Variants in GPM6A observed in about 807,000 individuals in gnomAD.
The protein encoded by GPM6A is glycoprotein M6A, also known as neuronal membrane glycoprotein M6-a.
A neutral mutation model predicts 32.1 loss-of-function variants in GPM6A; 7 were observed. The ratio of observed to expected loss-of-function variants is 0.22; its 90% CI spans 0.12 to 0.41. The LOEUF (loss-of-function observed/expected upper bound fraction) is 0.41, where lower values mean the gene tolerates loss of function less well. Among genes scored for constraint, GPM6A ranks in the 10% least tolerant of loss-of-function variants. GPM6A has a pLI of 1.00. For missense variants in GPM6A, 235 were observed against 347.2 expected (o/e 0.68, Z 2.57); for synonymous variants, 130 against 123.4 (o/e 1.05, Z -0.35).
intron 1 of GPM6A, among the ~76,000 whole-genome samples, chr4:175,974,538 G>A (rs989429324): frequency 6.8e-6 from 1 of 146,800 alleles, no homozygotes; most frequent in Middle Eastern, 4.1e-3. Context: ...ACACTTAAAG[G>A]GCAATGTGAC....
intron 1 of GPM6A, among the ~76,000 whole-genome samples, chr4:175,773,901 C>T (rs79881849): frequency 0.02 from 3,076 of 152,178 alleles, 55 homozygotes; most frequent in Non-Finnish European, 0.031. Context: ...ATTGTCAAAC[C>T]AAAATGATAT....
chr4:175,686,209 T>C (rs1743973797), intron 2 of GPM6A, among the ~76,000 whole-genome samples: 1 of 152,212 alleles, frequency 6.6e-6, no homozygotes, highest in Admixed American at 6.5e-5. Flanking sequence ...TTGATTACTG[T>C]GGTCAGCTAT....
chr4:175,985,402 C>T (rs1161915649), intron 1 of GPM6A, among the ~76,000 whole-genome samples: 1 of 152,134 alleles, frequency 6.6e-6, no homozygotes, highest in Non-Finnish European at 1.5e-5. Flanking sequence ...TACTGAAATG[C>T]TCTTGGTAAT....
At position 175,830,691 on chromosome 4, in the gene GPM6A, G is replaced by C. The variant is rs181380588; in HGVS notation, c.-22-18442C>G. 3.4e-3 allele frequency among the ~76,000 whole-genome samples: 525 copies of C among 152,264 alleles called. 1 individual carries two copies. Among genetic ancestry groups the C allele is most frequent in the African/African-American group, 0.011 (471 of 41,538 alleles). On this transcript the variant is annotated intron_variant, in intron 1 of 7. Coordinates refer to the GPM6A transcript ENST00000280187. ...CTTTCATCCATTTTGAATAAAGAGT[G>C]TATAAATAAAATAGAAGGTTCTTAC...
intron 1 of GPM6A, among the ~76,000 whole-genome samples, chr4:175,892,160 T>C (rs1404020816): frequency 6.6e-6 from 1 of 152,224 alleles, no homozygotes; most frequent in African/African-American, 2.4e-5. Flanking sequence ...CCAAATGGCA[T>C]CTTGCTCATA....
intron 1 of GPM6A, among the ~76,000 whole-genome samples, chr4:175,927,870 G>A (rs995780575): frequency 6.6e-6 from 1 of 152,004 alleles, no homozygotes; most frequent in Non-Finnish European, 1.5e-5. Flanking sequence ...GGACCATAGA[G>A]CAAGACTCCG....
At chr4:175,690,628 G>C (rs1744243385) in intron 2 of GPM6A, among the ~76,000 whole-genome samples, 1 of 152,158 alleles carries the variant, frequency 6.6e-6, no homozygotes, top group African/African-American at 2.4e-5. Flanking sequence ...AAGCCAGCAG[G>C]TAGCATCTTG....
intron 2 of GPM6A, among the ~76,000 whole-genome samples, chr4:175,693,992 C>T (rs909768902): frequency 6.6e-6 from 1 of 152,104 alleles, no homozygotes; most frequent in Non-Finnish European, 1.5e-5. Flanking sequence ...CCTACTCTCT[C>T]TTGCTCCTGC....
intron 1 of GPM6A, among the ~76,000 whole-genome samples, chr4:175,996,690 G>A (rs1741318137): frequency 6.6e-6 from 1 of 152,180 alleles, no homozygotes; most frequent in Non-Finnish European, 1.5e-5. Context: ...AAATTTTAGT[G>A]TGACTGTTTA....
intron 2 of GPM6A, among the ~76,000 whole-genome samples, chr4:175,675,410 T>A (rs1176923054): frequency 6.6e-6 from 1 of 152,110 alleles, no homozygotes; most frequent in African/African-American, 2.4e-5. Flanking sequence ...ACACTGGGAA[T>A]GTATTAATTA....
chr4:175,829,998 T>C (rs1354464153), intron 1 of GPM6A, among the ~76,000 whole-genome samples: 3 of 152,136 alleles, frequency 2.0e-5, no homozygotes, highest in Non-Finnish European at 1.5e-5. Context: ...GCATAGTAGT[T>C]GGCTCTGCAT....
chr4:175,978,497 C>A (rs1049391366), intron 1 of GPM6A, among the ~76,000 whole-genome samples: 1 of 152,120 alleles, frequency 6.6e-6, no homozygotes, highest in African/African-American at 2.4e-5. Context: ...AGATCAGTCC[C>A]TTCCCCTCTT....
intron 1 of GPM6A, among the ~76,000 whole-genome samples, chr4:175,955,035 G>C (rs943571435): frequency 3.9e-5 from 6 of 152,180 alleles, no homozygotes; most frequent in African/African-American, 1.4e-4. Context: ...ATGATTTTTC[G>C]TAAGAGTCCT....
At chr4:175,813,951 T>C (rs184433966), upstream of GPM6A, among the ~76,000 whole-genome samples, 63 of 152,070 alleles carry the variant, frequency 4.1e-4, no homozygotes. Flanking sequence ...CAAGGGTTTT[T>C]GAGAGAGCTG....
intron 1 of GPM6A, among the ~76,000 whole-genome samples, chr4:175,715,017 C>G (rs540279950): frequency 6.7e-6 from 1 of 150,242 alleles, no homozygotes; most frequent in Non-Finnish European, 1.5e-5. Flanking sequence ...AAAAAACTAG[C>G]TTGAATTCCA....
chr4:175,889,429 G>A (rs1737562741), intron 1 of GPM6A, among the ~76,000 whole-genome samples: 1 of 151,896 alleles, frequency 6.6e-6, no homozygotes, highest in African/African-American at 2.4e-5. Context: ...GGAGGCTACG[G>A]CAGGAGGATG....
intron 1 of GPM6A, among the ~76,000 whole-genome samples, chr4:175,752,677 T>C (rs1044087823): frequency 5.9e-5 from 9 of 152,156 alleles, no homozygotes; most frequent in African/African-American, 2.2e-4. Context: ...AGCCTTTATT[T>C]CTATCTTCTT....
chr4:175,952,614 T>C (rs1253234432), intron 1 of GPM6A, among the ~76,000 whole-genome samples: 3 of 152,226 alleles, frequency 2.0e-5, no homozygotes, highest in Non-Finnish European at 4.4e-5. Flanking sequence ...ATTCCAGAGA[T>C]ATTTTTGTGT....
At chr4:175,865,121 T>A (rs964436063) in intron 1 of GPM6A, among the ~76,000 whole-genome samples, 4 of 152,214 alleles carry the variant, frequency 2.6e-5, no homozygotes, top group Admixed American at 6.5e-5. Flanking sequence ...TCATTTTTTT[T>A]ATATAGTATG....
Sources: gnomAD v4.1 joint callset for allele counts (sites outside exome capture counted in the v4.1 genomes callset) on GRCh38, gnomAD v4.1.1 for gene constraint, MANE v1.5 for transcripts, NCBI Gene and HGNC (gene_info 2026-07-23, HGNC 2026-07-21) for gene names.